The following DOK5 variants were observed in gnomAD, a reference collection of about 807,000 sequenced individuals.
DOK5 encodes docking protein 5.
In DOK5, 27 loss-of-function variants were observed where a neutral mutation model predicts 43.3. The observed-to-expected ratio is 0.62, with a 90% CI of 0.46 to 0.86. The LOEUF (loss-of-function observed/expected upper bound fraction) is 0.86, where lower values mean the gene tolerates loss of function less well. DOK5 is among the 40% of genes least tolerant of loss of function. The pLI is 0.00. For missense variants in DOK5, 373 were observed against 392.9 expected (o/e 0.95, Z 0.43); for synonymous variants, 146 against 140.1 (o/e 1.04, Z -0.30).
In DOK5 at chr20:54,610,113, C is replaced by G. The variant is rs145311795; in HGVS notation, c.600-275C>G. The stretch of plus-strand genomic sequence containing the variant: ...GTGAAGTATTTATTATACTGCAAAT[C>G]AAGAAACAGCTTTTTTTTAAAAAAA... On this transcript the variant is annotated intron_variant, in intron 5 of 7. Transcript: ENST00000262593. Among the ~76,000 whole-genome samples the G allele has an allele frequency of 7.2e-3, 1,094 of 152,234 alleles. 12 individuals carry two copies. Among genetic ancestry groups the G allele is most frequent in the African/African-American group, 0.025 (1,034 of 41,534 alleles).
At position 54,648,948 on chromosome 20, in the gene DOK5, G is replaced by A. The variant is rs147710389; in HGVS notation, c.857-1467G>A. 5.8e-4 allele frequency among the ~76,000 whole-genome samples: 88 copies of A among 152,180 alleles called. 1 individual carries two copies. Among genetic ancestry groups the A allele is most frequent in the East Asian group, 1.4e-3 (7 of 5,182 alleles). On this transcript the variant is annotated intron_variant, in intron 7 of 7. Transcript: ENST00000262593. The stretch of plus-strand genomic sequence containing the variant: ...GTGCTTCATTGCTCCAGTGTTTTCC[G>A]AACTCTTCTGTGGGAATTGCCTTGG...
intron 1 of DOK5, among the ~76,000 whole-genome samples, chr20:54,506,048 C>T (rs905458562): frequency 1.3e-5 from 2 of 152,166 alleles, no homozygotes; most frequent in Non-Finnish European, 2.9e-5. Flanking sequence ...CTGCAGATGG[C>T]GGCCATGAGT....
intron 6 of DOK5, among the ~76,000 whole-genome samples, chr20:54,635,731 A>G (rs79436923): frequency 0.024 from 3,642 of 152,304 alleles, 141 homozygotes; most frequent in African/African-American, 0.083. Context: ...GGCTTTGTCA[A>G]TGGGCTATGG....
rs138682613 is a variant in DOK5 at position 54,647,422 on chromosome 20, T to C, written c.857-2993T>C. On this transcript the variant is annotated intron_variant, in intron 7 of 7. Coordinates refer to ENST00000262593, the MANE Select transcript of DOK5 (RefSeq NM_018431.5). ...CGGAAAGCTGAGGTGGGAGAATCGC[T>C]TGAACCCAGGAGGCAGAGGTTGCAG... 8.5e-3 allele frequency among the ~76,000 whole-genome samples: 1,289 copies of C among 151,682 alleles called. 24 individuals carry two copies. The highest frequency in any genetic ancestry group is 0.03 in the African/African-American group (1,230 of 41,268).
chr20:54,618,534 G>A lies in DOK5; in HGVS notation c.735+8011G>A, dbSNP rs188450762. On this transcript the variant is annotated intron_variant, in intron 6 of 7. Transcript: ENST00000262593. ...AATTTTTTGTATTTATAGTAGAGAC[G>A]GTGTTTCACTATGTTGGCCAGACTG... is the stretch of plus-strand genomic sequence containing the variant. Among the ~76,000 whole-genome samples, 295 of 152,062 alleles carry A rather than the reference G, an allele frequency of 1.9e-3. 6 individuals carry two copies. The highest frequency in any genetic ancestry group is 3.7e-4 in the Non-Finnish European group (25 of 67,952).
At chr20:54,527,752 G>A (rs1158721186) in intron 1 of DOK5, among the ~76,000 whole-genome samples, 1 of 152,186 alleles carries the variant, frequency 6.6e-6, no homozygotes, top group Non-Finnish European at 1.5e-5. Flanking sequence ...TTTAAGGTTG[G>A]TGTATCCTTG....
intron 1 of DOK5, among the ~76,000 whole-genome samples, chr20:54,530,680 G>A (rs1357422872): frequency 6.6e-6 from 1 of 152,162 alleles, no homozygotes; most frequent in Non-Finnish European, 1.5e-5. Flanking sequence ...CCATCGGGTA[G>A]TTGGGGTATT....
chr20:54,541,516 A>G (rs1354271318), intron 1 of DOK5, among the ~76,000 whole-genome samples: 1 of 152,002 alleles, frequency 6.6e-6, no homozygotes, highest in Non-Finnish European at 1.5e-5. Context: ...GTTCACTGCA[A>G]CCTCTGCCTC....
At chr20:54,597,047 G>A (rs1986162835) in intron 5 of DOK5, among the ~76,000 whole-genome samples, 1 of 152,186 alleles carries the variant, frequency 6.6e-6, no homozygotes, top group Admixed American at 6.5e-5. Flanking sequence ...CAATGAGGTT[G>A]GTTCACTGAA....
intron 1 of DOK5, among the ~76,000 whole-genome samples, chr20:54,524,074 C>T (rs1301754205): frequency 1.3e-5 from 2 of 152,086 alleles, no homozygotes; most frequent in South Asian, 2.1e-4. Flanking sequence ...CACCTCTCAC[C>T]CTACTCCATG....
At chr20:54,537,621 A>G (rs1984002237) in intron 1 of DOK5, among the ~76,000 whole-genome samples, 1 of 152,180 alleles carries the variant, frequency 6.6e-6, no homozygotes, top group Non-Finnish European at 1.5e-5. Context: ...GTAATCATCC[A>G]GTTGGAATAA....
At position 54,568,992 on chromosome 20, in the gene DOK5, A is replaced by T. The variant is rs1479979278; in HGVS notation, c.174+13952A>T. 2.6e-5 allele frequency among the ~76,000 whole-genome samples: 4 copies of T among 151,882 alleles called. No homozygotes were observed. The South Asian group carries it at 8.3e-4, about 32-fold the overall frequency. ...TGTATGGACTAAAACGCAAAAAAAA[A>T]AAAAAAAAAAAAATTCTGATGTTGG... On this transcript the variant is annotated intron_variant, in intron 2 of 7. Coordinates refer to ENST00000262593, the MANE Select transcript of DOK5 (RefSeq NM_018431.5).
chr20:54,637,169 G>A (rs775686839), intron 6 of DOK5, among the ~76,000 whole-genome samples: 9 of 152,158 alleles, frequency 5.9e-5, no homozygotes, highest in African/African-American at 1.4e-4. Flanking sequence ...CATGGGTCTC[G>A]TACTGCATGG....
rs1208726898 is a variant in DOK5 at position 54,588,497 on chromosome 20, T to A, written c.189T>A (p.Asn63Lys). ...FRCYHKVTELNNVKNVARLPK... is the reference protein window; with the variant it reads ...FRCYHKVTELKNVKNVARLPK... ...TTCATTTTCAGGTTACAGAACTCAA[T>A]AATGTGAAGAACGTAGCTCGATTGC... Residue 63 changes from asparagine to lysine, a missense_variant, in exon 3 of 8, where the codon AAT (asparagine) becomes AAA (lysine). By Grantham distance (94) the Asn-to-Lys change is moderately conservative. Transcript: ENST00000262593. 1.2e-6 allele frequency: 2 copies of A among 1,614,120 alleles called. No homozygotes were observed. Among genetic ancestry groups the A allele is most frequent in the Non-Finnish European group, 1.7e-6 (2 of 1,179,940 alleles).
At chr20:54,518,239 A>C (rs1283268806) in intron 1 of DOK5, among the ~76,000 whole-genome samples, 1 of 152,008 alleles carries the variant, frequency 6.6e-6, no homozygotes, top group Non-Finnish European at 1.5e-5. Context: ...TCGTCATTTA[A>C]CATTAGGTAT....
chr20:54,544,434 A>G (rs951063317), intron 1 of DOK5, among the ~76,000 whole-genome samples: 2 of 152,202 alleles, frequency 1.3e-5, no homozygotes, highest in Non-Finnish European at 2.9e-5. Context: ...TCCTGTCATG[A>G]CACAGTCATT....
chr20:54,530,938 G>A (rs966273252), intron 1 of DOK5, among the ~76,000 whole-genome samples: 1 of 152,128 alleles, frequency 6.6e-6, no homozygotes, highest in African/African-American at 2.4e-5. Context: ...CAGAAGATGT[G>A]TATATTATGA....
intron 1 of DOK5, among the ~76,000 whole-genome samples, chr20:54,490,552 G>C (rs1055359636): frequency 3.3e-5 from 5 of 151,860 alleles, no homozygotes; most frequent in African/African-American, 1.2e-4. Context: ...GTTGTTCCTG[G>C]GTATCTGGTA....
At chr20:54,556,336 G>T (rs1984707250) in intron 2 of DOK5, among the ~76,000 whole-genome samples, 1 of 152,158 alleles carries the variant, frequency 6.6e-6, no homozygotes, top group Non-Finnish European at 1.5e-5. Context: ...AATATGAAAT[G>T]ACACTGTTCA....
Sources: allele counts gnomAD v4.1 joint callset (sites outside exome capture counted in the v4.1 genomes callset), GRCh38; gene constraint gnomAD v4.1.1; transcripts MANE v1.5; gene names NCBI Gene and HGNC (gene_info 2026-07-23, HGNC 2026-07-21).